UGGT2: variants seen among roughly 807,000 people sequenced by gnomAD.
UGGT2 encodes UDP-glucose glycoprotein glucosyltransferase 2.
A neutral mutation model predicts 192.1 loss-of-function variants in UGGT2; 180 were observed. That is an observed-to-expected ratio of 0.94 (90% CI 0.83 to 1.06). The LOEUF is 1.06. Ranked by LOEUF, UGGT2 falls within the 50% of genes least tolerant of loss-of-function variation. The pLI, the probability that UGGT2 is intolerant of heterozygous loss-of-function variation, is 0.00. For missense variants in UGGT2, 1,849 were observed against 1,795.7 expected, an observed-to-expected ratio of 1.03 and a Z score of -0.54; for synonymous variants, 580 against 591.0, an observed-to-expected ratio of 0.98 and a Z score of 0.27.
At chr13:95,894,464 T>G (rs1433057561) in intron 24 of UGGT2, 98 bp downstream of exon 24, 2 of 983,378 alleles carry the variant, frequency 2.0e-6, no homozygotes, top group Non-Finnish European at 3.1e-6. Context: ...ATAAATAACT[T>G]TTAATTCTAC....
intron 38 of UGGT2, among the ~76,000 whole-genome samples, chr13:95,807,543 C>T (rs1884363553): frequency 6.6e-6 from 1 of 152,104 alleles, no homozygotes; most frequent in African/African-American, 2.4e-5. Flanking sequence ...TGCCAATTGT[C>T]TAATGTCAAT....
intron 12 of UGGT2, among the ~76,000 whole-genome samples, chr13:95,959,714 C>T (rs963913626): frequency 3.3e-5 from 5 of 152,182 alleles, no homozygotes; most frequent in Non-Finnish European, 5.9e-5. Flanking sequence ...CCACTTACTG[C>T]CATTGCCCGT....
chr13:95,874,232 C>A (rs930959174), intron 29 of UGGT2, among the ~76,000 whole-genome samples: 5 of 152,268 alleles, frequency 3.3e-5, no homozygotes, highest in South Asian at 2.1e-4. Context: ...CACTTATCCA[C>A]AGGGTATAGG....
chr13:95,983,957 G>T, intron 9 of UGGT2, 93 bp from the exon 10 acceptor site: 2 of 781,866 alleles, frequency 2.6e-6, no homozygotes, highest in Non-Finnish European at 3.7e-6. Context: ...TGGATAAGAA[G>T]CTAAAAACTC....
At chr13:95,925,275 G>A (rs139744907) in intron 20 of UGGT2, among the ~76,000 whole-genome samples, 1 of 152,208 alleles carries the variant, frequency 6.6e-6, no homozygotes, top group Non-Finnish European at 1.5e-5. Flanking sequence ...AATTTACTTA[G>A]TTTTTCTTAA....
intron 23 of UGGT2, among the ~76,000 whole-genome samples, 159 bp from the exon 24 acceptor site, chr13:95,894,816 A>G (rs567130672): frequency 6.6e-6 from 1 of 152,316 alleles, no homozygotes; most frequent in Non-Finnish European, 1.5e-5. Flanking sequence ...ATTTCTCTAA[A>G]ACAGTCACAG....
chr13:95,845,783 C>T (rs1445259538), intron 36 of UGGT2, among the ~76,000 whole-genome samples: 2 of 139,608 alleles, frequency 1.4e-5, no homozygotes, highest in Non-Finnish European at 1.5e-5. Context: ...CAGACGGGGT[C>T]GCGGCCGGGC....
intron 38 of UGGT2, among the ~76,000 whole-genome samples, chr13:95,829,281 G>T (rs1406665594): frequency 6.6e-6 from 1 of 152,034 alleles, no homozygotes; most frequent in East Asian, 1.9e-4. Flanking sequence ...GCCCTCTCTC[G>T]CCACTCCTAT....
At chr13:96,010,287 C>A (rs991208310) in intron 5 of UGGT2, among the ~76,000 whole-genome samples, 5 of 152,074 alleles carry the variant, frequency 3.3e-5, no homozygotes, top group African/African-American at 1.2e-4. Context: ...ACATATACAC[C>A]ACGAAATACT....
intron 33 of UGGT2, 60 bp from the exon 34 acceptor site, chr13:95,856,400 G>GA (rs1206772555): frequency 1.9e-6 from 3 of 1,545,628 alleles, no homozygotes; most frequent in Non-Finnish European, 2.6e-6. Context: ...TTGTTTTAGA[G>GA]AAAAAAATAA....
intron 7 of UGGT2, 54 bp from the exon 8 acceptor site, chr13:95,990,127 T>C (rs1225896505): frequency 1.2e-5 from 13 of 1,125,894 alleles, no homozygotes; most frequent in African/African-American, 3.1e-5. Flanking sequence ...CAAACCATTA[T>C]ACAAACAGCA....
intron 1 of UGGT2, 44 bp downstream of exon 1, chr13:96,053,111 A>G: frequency 7.0e-7 from 1 of 1,429,084 alleles, no homozygotes; most frequent in Non-Finnish European, 9.1e-7. Context: ...TGAGGGTGGC[A>G]GCGCGCCCAC....
chr13:95,932,903 T>C (rs1594370714), intron 17 of UGGT2, among the ~76,000 whole-genome samples: 1 of 152,370 alleles, frequency 6.6e-6, no homozygotes, highest in East Asian at 1.9e-4. Context: ...GATTTGTTAA[T>C]GTTGAACCAA....
intron 38 of UGGT2, among the ~76,000 whole-genome samples, chr13:95,825,778 A>G (rs866140752): frequency 1.3e-5 from 2 of 152,146 alleles, no homozygotes; most frequent in South Asian, 2.1e-4. Context: ...TAGCACTGCA[A>G]TTATGTCTCT....
intron 27 of UGGT2, among the ~76,000 whole-genome samples, chr13:95,879,561 G>A (rs765973481): frequency 1.3e-5 from 2 of 152,224 alleles, no homozygotes; most frequent in South Asian, 2.1e-4. Context: ...TCAGTCTCCC[G>A]AGTAGCTAGG....
At chr13:95,977,340 T>TA (rs2050970097) in intron 10 of UGGT2, among the ~76,000 whole-genome samples, 1 of 151,268 alleles carries the variant, frequency 6.6e-6, no homozygotes, top group African/African-American at 2.4e-5. Context: ...ACAAGGAACT[T>TA]AAACAAATTT....
At chr13:95,860,029 C>A in intron 32 of UGGT2, 1 of 156,808 alleles carries the variant, frequency 6.4e-6, no homozygotes, top group Non-Finnish European at 1.4e-5. Context: ...CCCTGAAGAG[C>A]TGAATGATCT....
At chr13:96,012,752 G>A (rs1175799767) in intron 5 of UGGT2, among the ~76,000 whole-genome samples, 6 of 151,966 alleles carry the variant, frequency 3.9e-5, no homozygotes, top group Admixed American at 3.3e-4. Flanking sequence ...ATGTGTGTGT[G>A]TGTGTGTGTG....
chr13:95,821,570 G>A (rs973634528), intron 38 of UGGT2, among the ~76,000 whole-genome samples: 4 of 152,048 alleles, frequency 2.6e-5, no homozygotes, highest in Non-Finnish European at 5.9e-5. Flanking sequence ...CCATGCAGAA[G>A]CTTTTTAATT....
Sources: allele counts gnomAD v4.1 joint callset (sites outside exome capture counted in the v4.1 genomes callset), GRCh38; gene constraint gnomAD v4.1.1; transcripts MANE v1.5; gene names NCBI Gene and HGNC (gene_info 2026-07-23, HGNC 2026-07-21).